Variants in VPS41 observed in about 807,000 individuals in gnomAD.
VPS41 encodes the protein vacuolar protein sorting-associated protein 41 homolog.
In VPS41, 85 loss-of-function variants were observed where a neutral mutation model predicts 130.9. The observed-to-expected ratio is 0.65, with a 90% CI of 0.55 to 0.78. The LOEUF (loss-of-function observed/expected upper bound fraction) is 0.78. VPS41 is among the 30% of genes least tolerant of loss of function. The pLI is 0.00. For synonymous variants in VPS41, 335 were observed against 332.9 expected, an observed-to-expected ratio of 1.01 and a Z score of -0.07; for missense variants, 874 against 1,018.7, an observed-to-expected ratio of 0.86 and a Z score of 1.93.
At chr7:38,774,282 C>A (rs746675698) in intron 11 of VPS41, 38 bp from the exon 12 acceptor site, 4 of 1,540,492 alleles carry the variant, frequency 2.6e-6, no homozygotes, top group Non-Finnish European at 3.5e-6. Flanking sequence ...ATTTAAATTA[C>A]ATTTCTATAT....
chr7:38,837,665 T>C (rs1785524486), intron 4 of VPS41, among the ~76,000 whole-genome samples: 1 of 152,194 alleles, frequency 6.6e-6, no homozygotes, highest in Admixed American at 6.5e-5. Flanking sequence ...TTGGGTAGAT[T>C]TGGCTGTCAG....
At chr7:38,789,386 C>T (rs991753919) in intron 10 of VPS41, among the ~76,000 whole-genome samples, 13 of 152,098 alleles carry the variant, frequency 8.5e-5, no homozygotes, top group African/African-American at 2.9e-4. Flanking sequence ...TTTCCCAGTG[C>T]TTTCCCTGGA....
intron 1 of VPS41, among the ~76,000 whole-genome samples, chr7:38,906,527 T>G (rs114912869): frequency 1.3e-5 from 2 of 151,968 alleles, no homozygotes; most frequent in African/African-American, 4.8e-5. Context: ...TTTGTAGAGA[T>G]AGGGTTTTGC....
chr7:38,773,372 T>C (rs58621005), intron 12 of VPS41, among the ~76,000 whole-genome samples: 7,463 of 152,256 alleles, frequency 0.049, 621 homozygotes, highest in African/African-American at 0.17. Context: ...TATACTCTTA[T>C]GTTTTTCAAT....
At chr7:38,829,612 C>T (rs111487517) in intron 5 of VPS41, among the ~76,000 whole-genome samples, 98 of 152,262 alleles carry the variant, frequency 6.4e-4, no homozygotes, top group Non-Finnish European at 1.3e-3. Flanking sequence ...AAATCAATCA[C>T]CACAACCATT....
chr7:38,892,175 C>G (rs1481026245), intron 2 of VPS41, among the ~76,000 whole-genome samples: 3 of 150,958 alleles, frequency 2.0e-5, no homozygotes, highest in East Asian at 1.9e-4. Flanking sequence ...TTTTTTTAAT[C>G]CTGTCAAATT....
At position 38,776,760 on chromosome 7, in the gene VPS41, A is replaced by G; in HGVS notation, c.801T>C (p.Thr267=). The change falls in exon 11 of 29, where the codon ACT becomes ACC. Residue 267 remains threonine (T), a synonymous_variant. Transcript: ENST00000310301. ...RYVEIVSQFE[T]EFYISGLAPL... is the part of the protein sequence containing the mutation. ...GTGCAAGTCCACTGATGTAGAATTC[A>G]GTTTCAAACTGAGACACTGCAAACA... is the stretch of plus-strand genomic sequence containing the variant. 1 of 1,609,026 alleles carries G rather than the reference A, an allele frequency of 6.2e-7. No individual in the cohort carries two copies. Among genetic ancestry groups the G allele is most frequent in the South Asian group, 1.1e-5 (1 of 90,914 alleles).
intron 2 of VPS41, among the ~76,000 whole-genome samples, chr7:38,873,648 G>C (rs1430983753): frequency 2.6e-5 from 4 of 152,164 alleles, no homozygotes; most frequent in East Asian, 1.9e-4. Flanking sequence ...CTGACTTGCA[G>C]CTAAGCGAAG....
chr7:38,801,962 C>CA lies in VPS41; in HGVS notation c.451-5099dup, dbSNP rs779474759. 4.7e-4 allele frequency among the ~76,000 whole-genome samples: 71 copies of CA among 152,130 alleles called. 1 individual carries two copies. Among genetic ancestry groups the CA allele is most frequent in the Non-Finnish European group, 6.2e-4 (42 of 68,020 alleles). ...AACACAATGGAATCTACTCCAATCT[C>CA]AAAAATTTAAAGAACCCAATGACTA... On this transcript the variant is annotated intron_variant, in intron 7 of 28. Transcript: ENST00000310301.
rs1368324645 is a variant in VPS41 at position 38,767,567 on chromosome 7, A to G, written c.1217T>C (p.Val406Ala). The G allele has an allele frequency of 6.2e-7, 1 of 1,610,444 alleles. No homozygotes were observed. Among genetic ancestry groups the G allele is most frequent in the Admixed American group, 1.7e-5 (1 of 59,824 alleles). ...DIGLAYINHLVERGDYDIAAR... is the reference protein window; with the variant it reads ...DIGLAYINHLAERGDYDIAAR... ...TGCTATGTCATAGTCTCCTCTCTCC[A>G]CCAGGTGATTTATATATGCCAAGCC... The change falls in exon 15 of 29, where the codon GTG becomes GCG. Residue 406 changes from valine to alanine, a missense_variant. Val to Ala is a moderately conservative substitution (Grantham distance 64). Coordinates refer to ENST00000310301, the MANE Select transcript of VPS41 (RefSeq NM_014396.4).
At chr7:38,892,007 T>TA (rs1350527644) in intron 2 of VPS41, among the ~76,000 whole-genome samples, 1 of 152,002 alleles carries the variant, frequency 6.6e-6, no homozygotes, top group African/African-American at 2.4e-5. Context: ...GGAACTTTAT[T>TA]AAACAATTAA....
intron 1 of VPS41, 46 bp downstream of exon 1, chr7:38,909,108 T>A: frequency 6.5e-7 from 1 of 1,532,314 alleles, no homozygotes; most frequent in Non-Finnish European, 8.9e-7. Context: ...CAGCCCACCC[T>A]AGTCTCTATA....
intron 17 of VPS41, among the ~76,000 whole-genome samples, chr7:38,761,239 G>GTT (rs1277486322): frequency 1.5e-4 from 6 of 39,866 alleles, no homozygotes; most frequent in Non-Finnish European, 2.4e-4. Context: ...CTCTTTCTTT[G>GTT]TTTTTCTCTC....
chr7:38,813,817 T>C (rs1784989247), intron 7 of VPS41, among the ~76,000 whole-genome samples: 1 of 152,190 alleles, frequency 6.6e-6, no homozygotes, highest in South Asian at 2.1e-4. Flanking sequence ...GTTATATACA[T>C]ATAAACTTTT....
At chr7:38,726,367 T>C (rs1795544705) in intron 28 of VPS41, 41 bp from the exon 29 acceptor site, 2 of 1,499,598 alleles carry the variant, frequency 1.3e-6, no homozygotes, top group Non-Finnish European at 1.9e-6. Flanking sequence ...AAAAATGATC[T>C]TCTTTTTCTA....
At chr7:38,854,208 A>G (rs1785930542) in intron 4 of VPS41, among the ~76,000 whole-genome samples, 1 of 152,236 alleles carries the variant, frequency 6.6e-6, no homozygotes. Flanking sequence ...GTCTTAAACA[A>G]GTATTACAGG....
intron 2 of VPS41, among the ~76,000 whole-genome samples, chr7:38,890,822 T>C (rs1786846285): frequency 6.6e-6 from 1 of 151,938 alleles, no homozygotes; most frequent in South Asian, 2.1e-4. Context: ...AGTAACCATG[T>C]CTACAGGCAA....
At chr7:38,742,603 T>C (rs1180335544) in intron 24 of VPS41, among the ~76,000 whole-genome samples, 2 of 152,146 alleles carry the variant, frequency 1.3e-5, no homozygotes, top group East Asian at 3.9e-4. Flanking sequence ...CTCAAGTTTA[T>C]GATATGTTCT....
chr7:38,891,978 T>C (rs1364713296), intron 2 of VPS41, among the ~76,000 whole-genome samples: 1 of 152,068 alleles, frequency 6.6e-6, no homozygotes, highest in East Asian at 1.9e-4. Flanking sequence ...AACAGCATTA[T>C]ATATTTTGAG....
Sources: allele counts gnomAD v4.1 joint callset (sites outside exome capture counted in the v4.1 genomes callset), GRCh38; gene constraint gnomAD v4.1.1; transcripts MANE v1.5; gene names NCBI Gene and HGNC (gene_info 2026-07-23, HGNC 2026-07-21).